The following SRD5A2 variants were observed in gnomAD, a reference collection of about 807,000 sequenced individuals.
SRD5A2 encodes the protein steroid 5 alpha-reductase 2.
A neutral mutation model predicts 27.4 loss-of-function variants in SRD5A2; 30 were observed. That is an observed-to-expected ratio of 1.10 (90% CI 0.82 to 1.49). The LOEUF is 1.49. SRD5A2 is among the 40% of genes most tolerant of loss of function. The pLI is 0.00. For synonymous variants in SRD5A2, 141 were observed against 133.6 expected (o/e 1.06, Z -0.38); for missense variants, 348 against 323.4 (o/e 1.08, Z -0.58).
At chr2:31,547,253 T>C (rs1319149999) in intron 1 of SRD5A2, among the ~76,000 whole-genome samples, 3 of 152,232 alleles carry the variant, frequency 2.0e-5, no homozygotes, top group Admixed American at 1.3e-4. Flanking sequence ...GGATGTGACC[T>C]TGACTGGATT....
intron 1 of SRD5A2, among the ~76,000 whole-genome samples, chr2:31,539,083 T>C (rs1337522785): frequency 6.6e-6 from 1 of 152,276 alleles, no homozygotes; most frequent in East Asian, 1.9e-4. Flanking sequence ...GTGGAGATGC[T>C]TTTCCACATT....
rs1049051226 is a variant in SRD5A2 at position 31,525,631 on chromosome 2, C to T, written c.*565G>A. The T allele has an allele frequency of 1.6e-4, 37 of 227,756 alleles. No homozygotes were observed. In the Admixed American group the frequency reaches 1.7e-3, roughly 10 times the overall value. 14.1% of individuals were successfully genotyped at this position (227,756 alleles called of 1,614,324 possible). On this transcript the variant is annotated 3_prime_UTR_variant, in exon 5 of 5. Transcript: ENST00000622030. ...TTTTCAGCACTATGAGGAGAGGGCT[C>T]CTGTATTCAAGGTCTACCTAATAAT... is the stretch of plus-strand genomic sequence containing the variant.
the SRD5A2 span, among the ~76,000 whole-genome samples, chr2:31,656,171 C>A: frequency 3.9e-5 from 6 of 152,156 alleles, no homozygotes; most frequent in African/African-American, 7.2e-5. Context: ...TTTTGGAGAT[C>A]GTGAATCTGT....
chr2:31,617,405 A>G, the SRD5A2 span, among the ~76,000 whole-genome samples: 1 of 152,148 alleles, frequency 6.6e-6, no homozygotes, highest in African/African-American at 2.4e-5. Context: ...AGCTGCCACA[A>G]AAGTCTCTGA....
At chr2:31,535,860 G>A (rs569777397) in intron 1 of SRD5A2, among the ~76,000 whole-genome samples, 1 of 152,358 alleles carries the variant, frequency 6.6e-6, no homozygotes, top group East Asian at 1.9e-4. Flanking sequence ...AAAGAACAGA[G>A]TGAAGATGTA....
At chr2:31,542,542 T>C (rs1282052842) in intron 1 of SRD5A2, among the ~76,000 whole-genome samples, 4 of 151,918 alleles carry the variant, frequency 2.6e-5, no homozygotes, top group Admixed American at 2.6e-4. Context: ...TAAAAGTACA[T>C]GTGGATGAAG....
chr2:31,582,913 C>G (rs1356633599), upstream of SRD5A2, among the ~76,000 whole-genome samples: 1 of 130,698 alleles, frequency 7.7e-6, no homozygotes, highest in East Asian at 2.1e-4. Context: ...CTATTTCAAA[C>G]CCAGCTCAAT....
At chr2:31,533,514 T>A (rs1665960071) in intron 2 of SRD5A2, 89 bp downstream of exon 2, 2 of 1,202,334 alleles carry the variant, frequency 1.7e-6, no homozygotes, top group Non-Finnish European at 2.4e-6. Context: ...CATTACGAGG[T>A]CATTGCAGTA....
the SRD5A2 span, among the ~76,000 whole-genome samples, chr2:31,641,411 T>C: frequency 1.3e-5 from 2 of 152,128 alleles, no homozygotes; most frequent in African/African-American, 4.8e-5. Flanking sequence ...AAAATGAGGG[T>C]AAAATAATTT....
the SRD5A2 span, among the ~76,000 whole-genome samples, chr2:31,614,998 C>T: frequency 6.6e-6 from 1 of 152,164 alleles, no homozygotes; most frequent in Non-Finnish European, 1.5e-5. Context: ...TCACTTGGTT[C>T]CCATTCTCTC....
At chr2:31,648,701 T>C in the SRD5A2 span, among the ~76,000 whole-genome samples, 1 of 152,234 alleles carries the variant, frequency 6.6e-6, no homozygotes, top group East Asian at 1.9e-4. Context: ...GGATGCTTTA[T>C]GGGCTCTCCA....
intron 1 of SRD5A2, among the ~76,000 whole-genome samples, chr2:31,554,700 C>A (rs1221878330): frequency 6.6e-6 from 1 of 152,166 alleles, no homozygotes; most frequent in Non-Finnish European, 1.5e-5. Context: ...TTTTGCTTTT[C>A]CCTGGCATCA....
intron 2 of SRD5A2, among the ~76,000 whole-genome samples, chr2:31,533,072 T>A (rs1183067986): frequency 6.6e-6 from 1 of 152,158 alleles, no homozygotes. Context: ...GAAACAATGT[T>A]TCTTTCAGCT....
the SRD5A2 span, among the ~76,000 whole-genome samples, chr2:31,601,071 G>C: frequency 6.6e-6 from 1 of 151,832 alleles, no homozygotes. Flanking sequence ...AAATAACCAA[G>C]ATCAGACCTG....
the SRD5A2 span, among the ~76,000 whole-genome samples, chr2:31,617,345 G>A: frequency 6.6e-6 from 1 of 152,096 alleles, no homozygotes; most frequent in African/African-American, 2.4e-5. Context: ...CCTGGGTCCA[G>A]CCATGGAAGC....
chr2:31,567,456 G>GTGTATATATATATA (rs143408801), intron 1 of SRD5A2, among the ~76,000 whole-genome samples: 3 of 140,308 alleles, frequency 2.1e-5, no homozygotes, highest in African/African-American at 8.0e-5. Flanking sequence ...GTGTGTGTGT[G>GTGTATATATATATA]TATATATATA....
Position 31,523,460 on chromosome 2 carries a change from T to C in SRD5A2, c.*2736A>G, listed in dbSNP as rs1211604605. The C allele has an allele frequency of 4.5e-6, 1 of 221,066 alleles. No homozygotes were observed. The allele number at this position is 221,066 out of a possible 1,614,324, so 13.7% of individuals were successfully genotyped here. ...GAGATGGCTGCTCTGACCAGCTCTG[T>C]ACCAGCTGTGAGGAGGCCTTTTAAC... On this transcript the variant is annotated 3_prime_UTR_variant, in exon 5 of 5. Transcript: ENST00000622030.
the SRD5A2 span, among the ~76,000 whole-genome samples, chr2:31,587,079 G>A: frequency 6.6e-6 from 1 of 152,166 alleles, no homozygotes; most frequent in African/African-American, 2.4e-5. Context: ...AAAAGTGGAT[G>A]AAGGATATGA....
In SRD5A2 at chr2:31,578,884, A is replaced by G. The variant is rs146732914; in HGVS notation, c.281+1736T>C. ...TACATTAATATGATTGTCACAAAAC[A>G]CTAATCATTAAGATGAAATGACCTC... On this transcript the variant is annotated intron_variant, in intron 1 of 4. Transcript: ENST00000622030. Among the ~76,000 whole-genome samples, 88 of 152,358 alleles carry G rather than the reference A, an allele frequency of 5.8e-4. No individual in the cohort carries two copies. In the East Asian group the frequency reaches 8.1e-3, roughly 14 times the overall value.
Sources: gnomAD v4.1 joint callset for allele counts (sites outside exome capture counted in the v4.1 genomes callset) on GRCh38, gnomAD v4.1.1 for gene constraint, MANE v1.5 for transcripts, NCBI Gene and HGNC (gene_info 2026-07-23, HGNC 2026-07-21) for gene names.